The following ADGRB3 variants were observed in gnomAD, a reference collection of about 807,000 sequenced individuals.
ADGRB3 encodes adhesion G protein-coupled receptor B3, also known as brain-specific angiogenesis inhibitor 3.
A neutral mutation model predicts 193.4 loss-of-function variants in ADGRB3; 37 were observed. The ratio of observed to expected loss-of-function variants is 0.19; its 90% CI spans 0.15 to 0.25. The LOEUF is 0.25. Among genes scored for constraint, ADGRB3 ranks in the 10% least tolerant of loss-of-function variants. The pLI, the probability that ADGRB3 is intolerant of heterozygous loss-of-function variation, is 1.00. For missense variants in ADGRB3, 1,637 were observed against 1,852.9 expected (o/e 0.88, Z 2.14); for synonymous variants, 690 against 644.2 (o/e 1.07, Z -1.08).
chr6:69,296,353 A>G (rs550237808), intron 20 of ADGRB3, among the ~76,000 whole-genome samples: 1 of 152,196 alleles, frequency 6.6e-6, no homozygotes, highest in Non-Finnish European at 1.5e-5. Flanking sequence ...AGGCTCAGCC[A>G]TGTTTTCATC....
At chr6:68,800,656 G>A (rs1377716905) in intron 3 of ADGRB3, among the ~76,000 whole-genome samples, 1 of 152,240 alleles carries the variant, frequency 6.6e-6, no homozygotes, top group Non-Finnish European at 1.5e-5. Context: ...TAGAAAGAGG[G>A]TCAACTATGT....
intron 3 of ADGRB3, among the ~76,000 whole-genome samples, chr6:68,859,119 C>A (rs1456766054): frequency 6.6e-6 from 1 of 152,170 alleles, no homozygotes; most frequent in South Asian, 2.1e-4. Flanking sequence ...TTATCTTTCT[C>A]AAGTTCCAAG....
At chr6:68,784,737 A>G (rs150251712) in intron 3 of ADGRB3, among the ~76,000 whole-genome samples, 4 of 152,132 alleles carry the variant, frequency 2.6e-5, no homozygotes, top group Non-Finnish European at 5.9e-5. Flanking sequence ...CAGATGAAAA[A>G]TTATTTTCCT....
At chr6:68,855,975 G>T (rs1195815754) in intron 3 of ADGRB3, among the ~76,000 whole-genome samples, 1 of 152,216 alleles carries the variant, frequency 6.6e-6, no homozygotes, top group African/African-American at 2.4e-5. Context: ...AATCATGGGG[G>T]TGGGTCTTTC....
At chr6:68,897,598 A>G (rs1582295084) in intron 3 of ADGRB3, among the ~76,000 whole-genome samples, 2 of 88,544 alleles carry the variant, frequency 2.3e-5, no homozygotes, top group Admixed American at 2.5e-4. Flanking sequence ...GGGATAGGGG[A>G]GGGCAGGAAG....
intron 3 of ADGRB3, among the ~76,000 whole-genome samples, chr6:68,733,244 AATAT>A (rs961670378): frequency 6.8e-6 from 1 of 147,616 alleles, no homozygotes; most frequent in Non-Finnish European, 1.5e-5. Flanking sequence ...ATATATATAA[AATAT>A]ATATATATAG....
intron 3 of ADGRB3, among the ~76,000 whole-genome samples, chr6:68,775,588 T>G (rs1240867131): frequency 2.0e-5 from 3 of 152,126 alleles, no homozygotes; most frequent in Admixed American, 6.6e-5. Context: ...TATAAAGCAC[T>G]CAGAATGGTG....
intron 17 of ADGRB3, among the ~76,000 whole-genome samples, chr6:69,165,157 G>A (rs906026778): frequency 4.0e-5 from 6 of 151,898 alleles, no homozygotes; most frequent in Non-Finnish European, 8.8e-5. Flanking sequence ...AACAAACAGT[G>A]GTTTTTCATT....
Position 68,819,159 on chromosome 6 carries a change from T to C in ADGRB3, c.758-111400T>C, listed in dbSNP as rs370407538. Among the ~76,000 whole-genome samples, 7 of 152,190 alleles carry C rather than the reference T, an allele frequency of 4.6e-5. No individual in the cohort carries two copies. In the East Asian group the frequency reaches 1.2e-3, roughly 25 times the overall value. On this transcript the variant is annotated intron_variant, in intron 3 of 31. Transcript: ENST00000370598. ...ATATGCACCTATCCTCATTTATAAC[T>C]AGTTGCTTGTTAGTTAGATGTATCC...
intron 17 of ADGRB3, among the ~76,000 whole-genome samples, chr6:69,188,540 C>A (rs1165085693): frequency 6.6e-6 from 1 of 152,138 alleles, no homozygotes; most frequent in Non-Finnish European, 1.5e-5. Flanking sequence ...AACTCCTGAC[C>A]TCTGGTGATC....
At chr6:69,036,206 T>A (rs2150295901) in intron 13 of ADGRB3, among the ~76,000 whole-genome samples, 1 of 152,220 alleles carries the variant, frequency 6.6e-6, no homozygotes, top group Admixed American at 6.5e-5. Flanking sequence ...ATGGTTAAAG[T>A]GAAGAATAAA....
chr6:69,353,919 C>A (rs970014451), intron 26 of ADGRB3, among the ~76,000 whole-genome samples: 2 of 151,934 alleles, frequency 1.3e-5, no homozygotes, highest in Non-Finnish European at 2.9e-5. Context: ...CAATATTAGT[C>A]GGGCGTGGTG....
chr6:69,187,614 T>C (rs956897756), intron 17 of ADGRB3, among the ~76,000 whole-genome samples: 2 of 152,222 alleles, frequency 1.3e-5, no homozygotes, highest in Non-Finnish European at 2.9e-5. Context: ...TGTTACGCAG[T>C]AGGTTTTGTT....
At chr6:68,928,115 C>T (rs750598659) in intron 3 of ADGRB3, among the ~76,000 whole-genome samples, 1 of 152,118 alleles carries the variant, frequency 6.6e-6, no homozygotes. Flanking sequence ...ATGTAAATCA[C>T]ATTCCAACTA....
intron 20 of ADGRB3, among the ~76,000 whole-genome samples, chr6:69,297,340 A>ATC (rs386407481): frequency 0.01 from 1,161 of 111,832 alleles, 9 homozygotes; most frequent in South Asian, 0.015. Flanking sequence ...TTCTACTGAT[A>ATC]TCTCTCTCTC....
intron 3 of ADGRB3, among the ~76,000 whole-genome samples, chr6:68,714,387 G>A (rs1402487833): frequency 6.6e-6 from 1 of 151,658 alleles, no homozygotes; most frequent in African/African-American, 2.4e-5. Context: ...GTCACCATAT[G>A]GTGACAGTGG....
chr6:68,734,385 C>T (rs974453808), intron 3 of ADGRB3, among the ~76,000 whole-genome samples: 3 of 151,824 alleles, frequency 2.0e-5, no homozygotes, highest in African/African-American at 4.8e-5. Flanking sequence ...GCACTGCAAA[C>T]GTAAAGATTA....
intron 3 of ADGRB3, among the ~76,000 whole-genome samples, chr6:68,920,512 CAAAAAAAAAAAA>C (rs5877180): frequency 4.4e-5 from 3 of 68,916 alleles, no homozygotes; most frequent in Admixed American, 2.0e-4. Context: ...GACTCTGTAT[CAAAAAAAAAAAA>C]AAAAAAAAAA....
chr6:69,033,756 T>G (rs990831195), intron 13 of ADGRB3, among the ~76,000 whole-genome samples: 7 of 152,106 alleles, frequency 4.6e-5, no homozygotes, highest in African/African-American at 1.7e-4. Flanking sequence ...AAATTCATAC[T>G]ACAGGCTTAA....
Sources: gnomAD v4.1 joint callset for allele counts (sites outside exome capture counted in the v4.1 genomes callset) on GRCh38, gnomAD v4.1.1 for gene constraint, MANE v1.5 for transcripts, NCBI Gene and HGNC (gene_info 2026-07-23, HGNC 2026-07-21) for gene names.